Variants in CACNB4 observed in about 807,000 individuals in gnomAD.
CACNB4 encodes the protein calcium voltage-gated channel auxiliary subunit beta 4, also known as voltage-dependent L-type calcium channel subunit beta-4.
CACNB4 carries 32 observed loss-of-function variants against 71.2 expected under a neutral mutation model. The observed-to-expected ratio is 0.45, with a 90% CI of 0.34 to 0.60. CACNB4 has a LOEUF of 0.60. Ranked by LOEUF, CACNB4 falls within the 20% of genes least tolerant of loss-of-function variation. The pLI, the probability that CACNB4 is intolerant of heterozygous loss-of-function variation, is 0.01. For synonymous variants in CACNB4, 231 were observed against 236.9 expected, an observed-to-expected ratio of 0.97 and a Z score of 0.23; for missense variants, 464 against 647.9, an observed-to-expected ratio of 0.72 and a Z score of 3.08.
At chr2:151,896,054 C>T (rs911355981) in intron 2 of CACNB4, among the ~76,000 whole-genome samples, 1 of 152,040 alleles carries the variant, frequency 6.6e-6, no homozygotes, top group Admixed American at 6.6e-5. Context: ...CCATGTTGGC[C>T]GGGGCTGCTC....
chr2:151,856,112 A>G (rs2099840232), intron 10 of CACNB4, among the ~76,000 whole-genome samples: 2 of 151,652 alleles, frequency 1.3e-5, no homozygotes, highest in African/African-American at 4.8e-5. Context: ...GTCTAGTCAA[A>G]TGAAAAATCT....
intron 2 of CACNB4, chr2:151,968,722 T>A (rs1235364828): frequency 1.3e-5 from 2 of 152,174 alleles, no homozygotes; most frequent in Admixed American, 6.5e-5. Flanking sequence ...TAATGGAATG[T>A]CCATTGAGTA....
intron 2 of CACNB4, among the ~76,000 whole-genome samples, chr2:151,951,343 A>G (rs1352052244): frequency 6.6e-6 from 1 of 151,950 alleles, no homozygotes; most frequent in African/African-American, 2.4e-5. Context: ...CCCCTACCCA[A>G]TTCCCCCTCT....
rs138948932 is a variant in CACNB4 at position 151,901,375 on chromosome 2, C to T, written c.148-18005G>A. ...GATGTTCAGCTGAGACAAGGAGAAA[C>T]TAATATCAGAGCTGAAAAATAAAAT... is the stretch of plus-strand genomic sequence containing the variant. On this transcript the variant is annotated intron_variant, in intron 2 of 13. Transcript: ENST00000539935. Among the ~76,000 whole-genome samples, 251 of 152,128 alleles carry T rather than the reference C, an allele frequency of 1.6e-3. 1 individual carries two copies. The highest frequency in any genetic ancestry group is 0.016 in the East Asian group (84 of 5,184).
intron 2 of CACNB4, among the ~76,000 whole-genome samples, chr2:152,069,277 T>C (rs1408136945): frequency 6.6e-6 from 1 of 152,122 alleles, no homozygotes; most frequent in East Asian, 1.9e-4. Flanking sequence ...ATGGAATCAA[T>C]TCCCAAATAA....
At chr2:151,974,525 C>T (rs1040062796) in intron 2 of CACNB4, among the ~76,000 whole-genome samples, 5 of 152,170 alleles carry the variant, frequency 3.3e-5, no homozygotes, top group African/African-American at 1.2e-4. Flanking sequence ...AAAAGGAAGC[C>T]AAAAACTTCT....
At chr2:151,892,937 C>T (rs2099851085) in intron 2 of CACNB4, among the ~76,000 whole-genome samples, 1 of 152,108 alleles carries the variant, frequency 6.6e-6, no homozygotes, top group South Asian at 2.1e-4. Context: ...TTTAACTTGA[C>T]AGAATGCTAC....
chr2:152,041,928 C>G (rs900428209), intron 2 of CACNB4, among the ~76,000 whole-genome samples: 1 of 152,164 alleles, frequency 6.6e-6, no homozygotes, highest in African/African-American at 2.4e-5. Context: ...GTCCTGCTCA[C>G]GCCATCATTC....
chr2:152,051,429 A>G (rs1003640677), intron 2 of CACNB4, among the ~76,000 whole-genome samples: 6 of 152,160 alleles, frequency 3.9e-5, no homozygotes, highest in African/African-American at 1.4e-4. Flanking sequence ...ATATGTCCCC[A>G]CAAAATACAT....
At chr2:151,998,315 C>CAAAAAAAAAAAAAAAAAAAA (rs70974815) in intron 2 of CACNB4, among the ~76,000 whole-genome samples, 3 of 110,720 alleles carry the variant, frequency 2.7e-5, no homozygotes, top group African/African-American at 1.2e-4. Flanking sequence ...ACTCCATCTC[C>CAAAAAAAAAAAAAAAAAAAA]AAAAAAAAAA....
At chr2:151,993,983 A>G (rs1159119071) in intron 2 of CACNB4, among the ~76,000 whole-genome samples, 2 of 151,648 alleles carry the variant, frequency 1.3e-5, no homozygotes, top group Non-Finnish European at 2.9e-5. Flanking sequence ...ACCAGCCTGG[A>G]TAACATGGCA....
At chr2:151,875,662 G>A (rs1180677164) in intron 5 of CACNB4, among the ~76,000 whole-genome samples, 4 of 115,262 alleles carry the variant, frequency 3.5e-5, no homozygotes, top group South Asian at 3.1e-4. Flanking sequence ...GCGGCTGGCC[G>A]GGTGGGGGGC....
At chr2:152,000,675 C>T (rs1413415719) in intron 2 of CACNB4, among the ~76,000 whole-genome samples, 1 of 152,166 alleles carries the variant, frequency 6.6e-6, no homozygotes, top group Non-Finnish European at 1.5e-5. Context: ...AAACTGGAAA[C>T]CTGAAAGGAA....
intron 2 of CACNB4, among the ~76,000 whole-genome samples, chr2:151,895,474 A>G (rs2099851827): frequency 6.6e-6 from 1 of 151,814 alleles, no homozygotes; most frequent in African/African-American, 2.4e-5. Context: ...CTAGTATGTT[A>G]TTTGAAATTG....
At chr2:152,048,747 A>T (rs1685262850) in intron 2 of CACNB4, 1 of 152,230 alleles carries the variant, frequency 6.6e-6, no homozygotes, top group African/African-American at 2.4e-5. Flanking sequence ...CCTTGGGCAA[A>T]TCATTTAATT....
intron 2 of CACNB4, among the ~76,000 whole-genome samples, chr2:151,900,487 G>A (rs1237785292): frequency 6.6e-6 from 1 of 152,222 alleles, no homozygotes; most frequent in Admixed American, 6.5e-5. Flanking sequence ...AGGCATGAAA[G>A]TGGTGCCTTG....
intron 2 of CACNB4, among the ~76,000 whole-genome samples, chr2:152,029,780 C>A (rs1219239066): frequency 6.6e-6 from 1 of 152,188 alleles, no homozygotes; most frequent in South Asian, 2.1e-4. Flanking sequence ...TGGATTGACC[C>A]CTTGCCCCTT....
chr2:152,035,010 C>CA (rs1684481200), intron 2 of CACNB4, among the ~76,000 whole-genome samples: 2 of 152,324 alleles, frequency 1.3e-5, no homozygotes, highest in South Asian at 4.1e-4. Flanking sequence ...GTTAAATGAA[C>CA]AAATTCCCCA....
intron 2 of CACNB4, among the ~76,000 whole-genome samples, chr2:152,093,066 G>A (rs1413608980): frequency 6.6e-6 from 1 of 152,152 alleles, no homozygotes; most frequent in East Asian, 1.9e-4. Flanking sequence ...TGAAACCAGG[G>A]AATGCAAAAA....
Sources: gnomAD v4.1 joint callset for allele counts (sites outside exome capture counted in the v4.1 genomes callset) on GRCh38, gnomAD v4.1.1 for gene constraint, MANE v1.5 for transcripts, NCBI Gene and HGNC (gene_info 2026-07-23, HGNC 2026-07-21) for gene names.